Variants in IGDCC3 observed in about 807,000 individuals in gnomAD.
IGDCC3 encodes the protein immunoglobulin superfamily DCC subclass member 3.
Under a neutral mutation model 72.0 loss-of-function variants are expected in IGDCC3, and 47 were observed. The ratio of observed to expected loss-of-function variants is 0.65; its 90% CI spans 0.52 to 0.83. IGDCC3 has a LOEUF of 0.83. Ranked by LOEUF, IGDCC3 falls within the 40% of genes least tolerant of loss-of-function variation. The pLI, the probability that IGDCC3 is intolerant of heterozygous loss-of-function variation, is 0.00. For missense variants in IGDCC3, 1,038 were observed against 1,091.3 expected, an observed-to-expected ratio of 0.95 and a Z score of 0.69; for synonymous variants, 477 against 472.8, an observed-to-expected ratio of 1.01 and a Z score of -0.11.
intron 2 of IGDCC3, among the ~76,000 whole-genome samples, chr15:65,355,400 G>A (rs2091209083): frequency 6.6e-6 from 1 of 152,124 alleles, no homozygotes; most frequent in African/African-American, 2.4e-5. Context: ...AGCACTGGAG[G>A]TCCTGATGAA....
intron 2 of IGDCC3, among the ~76,000 whole-genome samples, chr15:65,351,578 A>AT (rs2091174412): frequency 6.6e-6 from 1 of 152,100 alleles, no homozygotes; most frequent in Non-Finnish European, 1.5e-5. Flanking sequence ...AAACATTAAC[A>AT]TTGGGTAAAT....
rs2140177403 is a variant in IGDCC3, at chr15:65,377,810, T to C, written c.-22A>G. 1 of 1,189,444 alleles carries C rather than the reference T, an allele frequency of 8.4e-7. No homozygotes were observed. Among genetic ancestry groups the C allele is most frequent in the Non-Finnish European group, 1.0e-6 (1 of 960,930 alleles). 73.7% of individuals were successfully genotyped at this position (1,189,444 alleles called of 1,614,324 possible). ...CCATGGGGCTCTCGGTCAGCTCGGC[T>C]CGGCGACGCGCGGCTCCCGGGCCTC... On this transcript the variant is annotated 5_prime_UTR_variant, in exon 1 of 14. Transcript: ENST00000327987. This position sits in a 1 kb window ranked among gnomAD's most constrained non-coding sequence, Gnocchi z 4.9.
rs778504997 is a variant in IGDCC3, at chr15:65,334,680, G to A, written c.823+48C>T. 3.4e-6 allele frequency: 5 copies of A among 1,471,278 alleles called. No homozygotes were observed. In the African/African-American group the frequency reaches 5.7e-5, roughly 17 times the overall value. 91.1% of individuals were successfully genotyped at this position (1,471,278 alleles called of 1,614,324 possible). A position where few individuals can be genotyped will look rare whatever the true frequency, so the allele number is the denominator to read the frequency against. ...AGGAGTCTGAGACCGGCCCTCCCAG[G>A]GGGTGGGACAGGCTGGGAGGGGCAG... On this transcript the variant is annotated intron_variant, in intron 5 of 13. Coordinates refer to ENST00000327987, the MANE Select transcript of IGDCC3 (RefSeq NM_004884.4).
rs970922738 is a variant in IGDCC3 at position 65,354,692 on chromosome 15, G to A, written c.410-18736C>T. On this transcript the variant is annotated intron_variant, in intron 2 of 13. Coordinates refer to ENST00000327987, the MANE Select transcript of IGDCC3 (RefSeq NM_004884.4). ...CTGTTCCCTGAATGCTGACTTAAACGGTCATATGTTCTTGGGGATCACTCC... is the reference window on the plus strand; with the variant it reads ...CTGTTCCCTGAATGCTGACTTAAACAGTCATATGTTCTTGGGGATCACTCC... Among the ~76,000 whole-genome samples, 4 of 152,144 alleles carry A rather than the reference G, an allele frequency of 2.6e-5. No individual in the cohort carries two copies. The East Asian group carries it at 7.7e-4, about 29-fold the overall frequency.
At chr15:65,370,486 G>T (rs2091315690) in intron 2 of IGDCC3, among the ~76,000 whole-genome samples, 1 of 145,300 alleles carries the variant, frequency 6.9e-6, no homozygotes, top group African/African-American at 2.5e-5. Flanking sequence ...TGCACTGGGT[G>T]ATAGAGCGAG....
rs1360607726 is a variant in IGDCC3, at chr15:65,329,879, G to A, written c.1859-15C>T. 27 of 1,613,506 alleles carry A rather than the reference G, an allele frequency of 1.7e-5. No individual in the cohort carries two copies. Among genetic ancestry groups the A allele is most frequent in the East Asian group, 4.5e-5 (2 of 44,868 alleles). ...TGGGCTCAAGGCTGGGGACAGGGACGGGTTGGAGGCTTTGGCTCTCCAGGT... is the reference window on the plus strand; with the variant it reads ...TGGGCTCAAGGCTGGGGACAGGGACAGGTTGGAGGCTTTGGCTCTCCAGGT... On this transcript the variant is annotated splice_polypyrimidine_tract_variant and intron_variant, in intron 11 of 13. Coordinates refer to ENST00000327987, the MANE Select transcript of IGDCC3 (RefSeq NM_004884.4). This position sits in a 1 kb window ranked among gnomAD's most constrained non-coding sequence, Gnocchi z 4.1.
chr15:65,342,386 CAA>C (rs112033446), intron 2 of IGDCC3, among the ~76,000 whole-genome samples: 7 of 126,458 alleles, frequency 5.5e-5, no homozygotes, highest in Non-Finnish European at 6.9e-5. Flanking sequence ...AACTCCGTCT[CAA>C]AAAAAAAAAA....
intron 2 of IGDCC3, among the ~76,000 whole-genome samples, chr15:65,349,228 A>C (rs77661570): frequency 0.027 from 4,079 of 152,290 alleles, 71 homozygotes; most frequent in African/African-American, 0.051. Context: ...TGTTATCACA[A>C]GTATTTTGCT....
intron 2 of IGDCC3, among the ~76,000 whole-genome samples, chr15:65,349,543 G>A (rs761493241): frequency 2.0e-5 from 3 of 152,188 alleles, no homozygotes; most frequent in Admixed American, 1.3e-4. Flanking sequence ...TTTCTGTGTC[G>A]AGGGGGTACT....
At chr15:65,333,549 C>T in intron 5 of IGDCC3, 134 bp from the exon 6 acceptor site, 1 of 776,738 alleles carries the variant, frequency 1.3e-6, no homozygotes, top group Non-Finnish European at 2.0e-6. Flanking sequence ...CTGCCCCTTC[C>T]CTCCTAGGCA....
rs1275507529 is a variant in IGDCC3 at position 65,333,338 on chromosome 15, G to C, written c.901C>G (p.His301Asp). ...NLIISDVTVQ[H>D]SGVYVCAANR... is the part of the protein sequence containing the mutation. ...GCTGCACAGACGTAGACGCCAGAGT[G>C]CTGGACCGTCACGTCTGAGATGATG... is the stretch of plus-strand genomic sequence containing the variant. The change falls in exon 6 of 14, where the codon CAC becomes GAC. Residue 301 changes from histidine (H) to aspartate (D), a missense_variant. By Grantham distance (81) the His-to-Asp change is moderately conservative. Transcript: ENST00000327987. 2.5e-6 allele frequency: 4 copies of C among 1,613,222 alleles called. No individual in the cohort carries two copies. In the South Asian group the frequency reaches 3.3e-5, roughly 13 times the overall value.
At chr15:65,376,974 G>A (rs1261547993) in intron 1 of IGDCC3, among the ~76,000 whole-genome samples, 1 of 152,258 alleles carries the variant, frequency 6.6e-6, no homozygotes, top group Admixed American at 6.5e-5. Flanking sequence ...CAGCAGAACC[G>A]GCGGACCGCG....
intron 2 of IGDCC3, among the ~76,000 whole-genome samples, chr15:65,371,521 C>A (rs2091325784): frequency 6.6e-6 from 1 of 152,184 alleles, no homozygotes; most frequent in African/African-American, 2.4e-5. Context: ...TGTGGACCAG[C>A]TGTATTGGCA....
chr15:65,335,920 A>T lies in IGDCC3; in HGVS notation c.446T>A (p.Val149Glu). The T allele has an allele frequency of 6.2e-7, 1 of 1,614,090 alleles. No homozygotes were observed. Among genetic ancestry groups the T allele is most frequent in the South Asian group, 1.1e-5 (1 of 91,072 alleles). ...GCGGGCCACACCACCCTCCTCACCC[A>T]CGGTGGCCTGGGGATGCACGTGGAA... ...SDFHVHPQAT[V>E]GEEGGVARFQ... The change falls in exon 3 of 14, where the codon GTG (valine) becomes GAG (glutamate). Residue 149 changes from valine to glutamate, a missense_variant. Physicochemically the swap from Val to Glu is moderately radical, Grantham distance 121. Coordinates refer to ENST00000327987, the MANE Select transcript of IGDCC3 (RefSeq NM_004884.4).
intron 2 of IGDCC3, among the ~76,000 whole-genome samples, chr15:65,340,281 AG>A (rs1346240210): frequency 6.6e-6 from 1 of 151,994 alleles, no homozygotes; most frequent in African/African-American, 2.4e-5. Flanking sequence ...GACAGGCTCC[AG>A]GGGGAGGTGG....
chr15:65,336,861 C>T (rs751125639), intron 2 of IGDCC3, among the ~76,000 whole-genome samples: 4 of 152,136 alleles, frequency 2.6e-5, no homozygotes, highest in Non-Finnish European at 4.4e-5. Context: ...CCCTCCCACT[C>T]GGGTTCCCAG....
At position 65,331,981 on chromosome 15, in the gene IGDCC3, G is replaced by A; in HGVS notation, c.1108C>T (p.Leu370=). The part of the protein sequence containing the change: ...HVTWLKNGQV[L]GPGGHVRLKN... ...AGCCTGACGTGGCCTCCTGGCCCCA[G>A]CACCTGTCCATTTTTCAGCCACGTG... The change falls in exon 7 of 14, where the codon CTG becomes TTG. Residue 370 remains leucine (L), a synonymous_variant. Coordinates refer to ENST00000327987, the MANE Select transcript of IGDCC3 (RefSeq NM_004884.4). 5 of 1,614,108 alleles carry A rather than the reference G, an allele frequency of 3.1e-6. No homozygotes were observed. Among genetic ancestry groups the A allele is most frequent in the Non-Finnish European group, 4.2e-6 (5 of 1,180,024 alleles).
At position 65,327,651 on chromosome 15, in the gene IGDCC3, C is replaced by T. The variant is rs138497444; in HGVS notation, c.*1258G>A. 7.2e-5 allele frequency: 11 copies of T among 152,678 alleles called. No homozygotes were observed. The highest frequency in any genetic ancestry group is 4.6e-4 in the Admixed American group (7 of 15,290). 9.5% of individuals were successfully genotyped at this position (152,678 alleles called of 1,614,324 possible). A position where few individuals can be genotyped will look rare whatever the true frequency, so the allele number is the denominator to read the frequency against. ...AGAACAACACAACAGAAAAGAGTAA[C>T]AAAAAGTCACAAGAACATAACCCTT... On this transcript the variant is annotated 3_prime_UTR_variant, in exon 14 of 14. Transcript: ENST00000327987.
At chr15:65,359,063 T>G (rs1469390288) in intron 2 of IGDCC3, among the ~76,000 whole-genome samples, 7 of 152,124 alleles carry the variant, frequency 4.6e-5, no homozygotes, top group Non-Finnish European at 1.5e-5. Context: ...TAACTTCAAG[T>G]GATGCACCTG....
Sources: allele counts gnomAD v4.1 joint callset (sites outside exome capture counted in the v4.1 genomes callset), GRCh38; gene constraint gnomAD v4.1.1; non-coding constraint Gnocchi (gnomAD v3.1); transcripts MANE v1.5; gene names NCBI Gene and HGNC (gene_info 2026-07-23, HGNC 2026-07-21).